ZC3H12B: variants seen among roughly 807,000 people sequenced by gnomAD.
ZC3H12B encodes the protein probable ribonuclease ZC3H12B.
A neutral mutation model predicts 43.9 loss-of-function variants in ZC3H12B; 7 were observed. The observed-to-expected ratio is 0.16, with a 90% CI of 0.09 to 0.30. The LOEUF (loss-of-function observed/expected upper bound fraction) is 0.30. Among genes scored for constraint, ZC3H12B ranks in the 10% least tolerant of loss-of-function variants. The pLI is 1.00. For synonymous variants in ZC3H12B, 222 were observed against 241.7 expected (o/e 0.92, Z 0.76); for missense variants, 475 against 670.2 (o/e 0.71, Z 3.22).
At chrX:65,386,660 A>AT (rs1401864242) in intron 2 of ZC3H12B, among the ~76,000 whole-genome samples, 6 of 111,066 alleles carry the variant, frequency 5.4e-5, no homozygotes, top group African/African-American at 1.6e-4. Flanking sequence ...TTCTGCTCTG[A>AT]CTGTAGTTAT....
At chrX:65,228,404 A>G in the ZC3H12B span, among the ~76,000 whole-genome samples, 4 of 111,714 alleles carry the variant, frequency 3.6e-5, no homozygotes, top group African/African-American at 1.3e-4. Context: ...AGAGCTATCT[A>G]TGAAAAACCC....
chrX:65,448,138 G>A (rs1308494522), intron 3 of ZC3H12B, among the ~76,000 whole-genome samples: 1 of 110,833 alleles, frequency 9.0e-6, no homozygotes, highest in East Asian at 2.8e-4. Context: ...AGAAGACTGA[G>A]GCAGGAGAAT....
At chrX:65,046,607 G>A in the ZC3H12B span, among the ~76,000 whole-genome samples, 2 of 112,075 alleles carry the variant, frequency 1.8e-5, no homozygotes, top group African/African-American at 3.2e-5. Context: ...AACAGCCATA[G>A]GCTGTTTTGC....
the ZC3H12B span, among the ~76,000 whole-genome samples, chrX:65,159,766 C>T: frequency 1.8e-5 from 2 of 111,841 alleles, no homozygotes; most frequent in Admixed American, 1.9e-4. Flanking sequence ...CCTTCTCTTG[C>T]CTGATTGCCC....
At chrX:65,213,321 G>T in the ZC3H12B span, among the ~76,000 whole-genome samples, 1 of 110,058 alleles carries the variant, frequency 9.1e-6, no homozygotes, top group Non-Finnish European at 1.9e-5. Flanking sequence ...CACCTAATTT[G>T]CTTCTAACAC....
intron 3 of ZC3H12B, among the ~76,000 whole-genome samples, chrX:65,458,100 A>G (rs1461042880): frequency 7.0e-5 from 7 of 100,024 alleles, no homozygotes; most frequent in Admixed American, 5.3e-4. Context: ...AAAAAAAAAA[A>G]AGAGACAAAG....
the ZC3H12B span, among the ~76,000 whole-genome samples, chrX:65,095,449 A>G: frequency 9.0e-6 from 1 of 111,151 alleles, no homozygotes; most frequent in Non-Finnish European, 1.9e-5. Flanking sequence ...TACTGGCCCC[A>G]AATTGGAAAG....
chrX:65,105,199 A>G, the ZC3H12B span, among the ~76,000 whole-genome samples: 1 of 110,146 alleles, frequency 9.1e-6, no homozygotes, highest in Non-Finnish European at 1.9e-5. Context: ...TGGGAGTTGA[A>G]CAATGAGAAC....
the ZC3H12B span, among the ~76,000 whole-genome samples, chrX:65,137,957 T>C: frequency 8.9e-6 from 1 of 111,752 alleles, no homozygotes; most frequent in Non-Finnish European, 1.9e-5. Context: ...GTCCCCCGAG[T>C]AGCTGGGATT....
At chrX:65,340,013 A>G in the ZC3H12B span, among the ~76,000 whole-genome samples, 5 of 111,850 alleles carry the variant, frequency 4.5e-5, no homozygotes, top group Admixed American at 9.4e-5. Context: ...CATTGCAGTC[A>G]GAGCCTTGAT....
At chrX:65,156,473 G>A in the ZC3H12B span, among the ~76,000 whole-genome samples, 1 of 111,517 alleles carries the variant, frequency 9.0e-6, no homozygotes, top group Non-Finnish European at 1.9e-5. Flanking sequence ...CTCCACCTCT[G>A]GGGCTCAAGT....
intron 3 of ZC3H12B, among the ~76,000 whole-genome samples, chrX:65,420,434 C>T (rs756874642): frequency 1.8e-5 from 2 of 112,321 alleles, no homozygotes; most frequent in East Asian, 5.6e-4. Context: ...AGATAGTCCA[C>T]CCAGAATCTG....
At chrX:65,373,972 T>TA (rs1491234940) in intron 2 of ZC3H12B, among the ~76,000 whole-genome samples, 4 of 44,137 alleles carry the variant, frequency 9.1e-5, no homozygotes, top group South Asian at 9.7e-4. Flanking sequence ...GTATATATAG[T>TA]ATATATATAT....
the ZC3H12B span, among the ~76,000 whole-genome samples, chrX:65,042,048 G>T: frequency 8.9e-6 from 1 of 111,894 alleles, no homozygotes; most frequent in Admixed American, 9.5e-5. Flanking sequence ...ACTCTTTTAA[G>T]AAGGGAAAAA....
chrX:65,404,102 T>C (rs1037964253), intron 3 of ZC3H12B, among the ~76,000 whole-genome samples: 2 of 112,130 alleles, frequency 1.8e-5, no homozygotes, highest in Admixed American at 1.9e-4. Context: ...AATAAAGTTA[T>C]GGCATAGAAT....
At chrX:65,200,426 C>CTTTTTTTTT in the ZC3H12B span, among the ~76,000 whole-genome samples, 1 of 59,596 alleles carries the variant, frequency 1.7e-5, no homozygotes, top group Non-Finnish European at 2.9e-5. Flanking sequence ...ATAGTTTCCT[C>CTTTTTTTTT]TTTTTTTTTT....
chrX:65,148,513 T>G, the ZC3H12B span, among the ~76,000 whole-genome samples: 3 of 111,052 alleles, frequency 2.7e-5, no homozygotes, highest in African/African-American at 9.8e-5. Flanking sequence ...AGGTTGGGCT[T>G]GGAGGCTCAG....
chrX:65,423,124 G>T (rs1478614794), intron 3 of ZC3H12B, among the ~76,000 whole-genome samples: 1 of 108,699 alleles, frequency 9.2e-6, no homozygotes, highest in Admixed American at 9.8e-5. Context: ...GTAGAGATGG[G>T]GTTTCACCTT....
At chrX:65,471,360 A>G (rs2067910132) in intron 3 of ZC3H12B, among the ~76,000 whole-genome samples, 1 of 108,328 alleles carries the variant, frequency 9.2e-6, no homozygotes. Context: ...TGCATGTAAT[A>G]TCTTATTCTA....
Sources: gnomAD v4.1 joint callset for allele counts (sites outside exome capture counted in the v4.1 genomes callset) on GRCh38, gnomAD v4.1.1 for gene constraint, MANE v1.5 for transcripts, NCBI Gene and HGNC (gene_info 2026-07-23, HGNC 2026-07-21) for gene names.